The following NSFL1C variants were observed in gnomAD, a reference collection of about 807,000 sequenced individuals.
NSFL1C encodes NSFL1 cofactor, also known as NSFL1 cofactor p47.
NSFL1C carries 14 observed loss-of-function variants against 43.1 expected under a neutral mutation model. The ratio of observed to expected loss-of-function variants is 0.32; its 90% CI spans 0.21 to 0.51. NSFL1C has a LOEUF of 0.51. NSFL1C is among the 20% of genes least tolerant of loss of function. The probability of loss-of-function intolerance (pLI) is 0.98; values close to 1 mark genes in which losing one functional copy is unlikely to be tolerated. For synonymous variants in NSFL1C, 171 were observed against 183.5 expected (o/e 0.93, Z 0.55); for missense variants, 406 against 472.5 (o/e 0.86, Z 1.30).
intron 2 of NSFL1C, among the ~76,000 whole-genome samples, chr20:1,462,408 G>C (rs1455021243): frequency 6.6e-6 from 1 of 152,090 alleles, no homozygotes; most frequent in African/African-American, 2.4e-5. Context: ...CTACTACCAA[G>C]TCTGAGCCTT....
At chr20:1,449,306 G>A (rs980960026) in intron 7 of NSFL1C, among the ~76,000 whole-genome samples, 4 of 152,118 alleles carry the variant, frequency 2.6e-5, no homozygotes, top group African/African-American at 7.2e-5. Flanking sequence ...GACCAAAATC[G>A]ACTAGAAATG....
chr20:1,452,719 G>A (rs1187114289), intron 6 of NSFL1C, 89 bp from the exon 7 acceptor site: 44 of 1,527,434 alleles, frequency 2.9e-5, no homozygotes, highest in Admixed American at 7.6e-5. Flanking sequence ...TCTCAGTCCC[G>A]TGGTGAAAAA....
rs751696265 is a variant in NSFL1C at position 1,458,176 on chromosome 20, CCT to C, written c.278+22_278+23del. ...CCTGGACTTCCCTGTGAACTGTCCC[CCT>C]GACCCCCTCTAGAAGACTCACCTCT... On this transcript the variant is annotated intron_variant, in intron 3 of 8. Transcript: ENST00000216879. The C allele has an allele frequency of 4.4e-6, 7 of 1,599,286 alleles. No individual in the cohort carries two copies. The East Asian group carries it at 1.6e-4, about 36-fold the overall frequency.
At chr20:1,451,168 G>A (rs922186785) in intron 7 of NSFL1C, among the ~76,000 whole-genome samples, 12 of 152,192 alleles carry the variant, frequency 7.9e-5, no homozygotes, top group African/African-American at 2.9e-4. Flanking sequence ...TAGCTGTCCT[G>A]GGCTAGTCCA....
rs1344169001 is a variant in NSFL1C, at chr20:1,452,770, C to T, written c.648-140G>A. On this transcript the variant is annotated intron_variant, in intron 6 of 8. Coordinates refer to ENST00000216879, the MANE Select transcript of NSFL1C (RefSeq NM_016143.5). ...AGGGAGCAGGCTACTCTGGTGGCTA[C>T]CTGTCTGCCTCCACCTTTTCTCTTG... The T allele has an allele frequency of 4.8e-6, 5 of 1,036,396 alleles. No homozygotes were observed. In the East Asian group the frequency reaches 9.7e-5, roughly 20 times the overall value. The allele number at this position is 1,036,396 out of a possible 1,614,324, so 64.2% of individuals were successfully genotyped here.
chr20:1,445,632 C>G (rs1373456589), intron 8 of NSFL1C, 34 bp downstream of exon 8: 1 of 1,609,138 alleles, frequency 6.2e-7, no homozygotes, highest in Non-Finnish European at 8.5e-7. Flanking sequence ...AGAGGACACT[C>G]CTAGAATAAG....
chr20:1,454,980 G>T lies in NSFL1C; in HGVS notation c.431C>A (p.Thr144Asn). 1 of 1,613,652 alleles carries T rather than the reference G, an allele frequency of 6.2e-7. No individual in the cohort carries two copies. The change falls in exon 4 of 9, where the codon ACC becomes AAC. Residue 144 changes from threonine to asparagine, a missense_variant. By Grantham distance (65) the Thr-to-Asn change is moderately conservative (BLOSUM62 0). Around this residue, in one of 3 missense-constraint regions of NSFL1C, gnomAD observed 203 missense variants for 216.3 expected, o/e 0.94. Transcript: ENST00000216879. ...VERVTKSPGETSKPRPFAGGG... is the reference protein window; with the variant it reads ...VERVTKSPGENSKPRPFAGGG... Reference sequence around the variant, plus strand: ...CCTTATACTCACTCTCGGTTTACTGGTCTCTCCAGGGCTCTTGGTCACTCG... The same window carrying T: ...CCTTATACTCACTCTCGGTTTACTGTTCTCTCCAGGGCTCTTGGTCACTCG...
At chr20:1,454,461 A>G (rs1568621898) in intron 4 of NSFL1C, among the ~76,000 whole-genome samples, 156 bp from the exon 5 acceptor site, 1 of 152,214 alleles carries the variant, frequency 6.6e-6, no homozygotes, top group Non-Finnish European at 1.5e-5. Flanking sequence ...CTGATATCAG[A>G]CTCAGTGCCT....
chr20:1,443,597 C>T lies in NSFL1C; in HGVS notation c.*152G>A, dbSNP rs529816701. The T allele has an allele frequency of 6.3e-5, 40 of 634,920 alleles. No homozygotes were observed. The highest frequency in any genetic ancestry group is 9.5e-5 in the Non-Finnish European group (37 of 389,956). 39.3% of individuals were successfully genotyped at this position (634,920 alleles called of 1,614,324 possible). A position where few individuals can be genotyped will look rare whatever the true frequency, so the allele number is the denominator to read the frequency against. ...GAAATGCAACTAAGGAGAAAACAAA[C>T]GTCCAACCAAGATCTAAGAACCCAG... On this transcript the variant is annotated 3_prime_UTR_variant, in exon 9 of 9. Transcript: ENST00000216879.
chr20:1,466,056 T>C (rs1169536877), intron 1 of NSFL1C, among the ~76,000 whole-genome samples: 1 of 152,190 alleles, frequency 6.6e-6, no homozygotes, highest in African/African-American at 2.4e-5. Flanking sequence ...GAATGCTTAT[T>C]ATGTGCCAGG....
chr20:1,455,604 G>A, intron 3 of NSFL1C: 1 of 774,716 alleles, frequency 1.3e-6, no homozygotes, highest in Non-Finnish European at 2.4e-6. Flanking sequence ...AAGCAGCTAG[G>A]CTCCAGTCTT....
chr20:1,447,427 T>TC (rs891624455), intron 7 of NSFL1C, among the ~76,000 whole-genome samples: 8 of 108,404 alleles, frequency 7.4e-5, no homozygotes, highest in African/African-American at 3.4e-4. Context: ...TGTTATGAGT[T>TC]TTTTTTTTTT....
rs200170563 is a variant in NSFL1C at position 1,464,359 on chromosome 20, G to C, written c.173C>G (p.Pro58Arg). The stretch of plus-strand genomic sequence containing the variant: ...GGCTGTGCCTCTGGACACTGAACTG[G>C]GGGTTGCCTGCGAAATGGTCACAAT... ...EDIVTISQAT[P>R]SSVSRGTAPS... Residue 58 changes from proline (P) to arginine (R), a missense_variant, in exon 2 of 9, where the codon CCC (proline) becomes CGC (arginine). Physicochemically the swap from Pro to Arg is moderately radical, Grantham distance 103. This residue lies in a region of NSFL1C where 203 missense variants were observed against 216.3 expected (regional missense o/e 0.94). Coordinates refer to ENST00000216879, the MANE Select transcript of NSFL1C (RefSeq NM_016143.5). 1.9e-6 allele frequency: 3 copies of C among 1,614,230 alleles called. No homozygotes were observed. The South Asian group carries it at 3.3e-5, about 18-fold the overall frequency.
chr20:1,444,782 T>C (rs977283362), intron 8 of NSFL1C, among the ~76,000 whole-genome samples: 2 of 152,186 alleles, frequency 1.3e-5, no homozygotes, highest in East Asian at 3.8e-4. Context: ...GAAATGAAAC[T>C]GAGACAAATA....
intron 2 of NSFL1C, among the ~76,000 whole-genome samples, chr20:1,463,047 C>T (rs973208117): frequency 6.6e-6 from 1 of 152,118 alleles, no homozygotes; most frequent in Non-Finnish European, 1.5e-5. Context: ...CGTTAAGTAA[C>T]CTGCCCAAGG....
chr20:1,458,324 T>C (rs1332966418), intron 2 of NSFL1C, 50 bp from the exon 3 acceptor site: 10 of 1,506,266 alleles, frequency 6.6e-6, no homozygotes, highest in Admixed American at 3.3e-5. Context: ...TTAAGAAAGG[T>C]AACCCTCATC....
At chr20:1,447,425 G>GTTT (rs112797476) in intron 7 of NSFL1C, among the ~76,000 whole-genome samples, 1 of 138,338 alleles carries the variant, frequency 7.2e-6, no homozygotes, top group African/African-American at 2.6e-5. Context: ...AATGTTATGA[G>GTTT]TTTTTTTTTT....
intron 7 of NSFL1C, among the ~76,000 whole-genome samples, chr20:1,448,041 T>C: frequency 6.6e-6 from 1 of 152,190 alleles, no homozygotes; most frequent in Non-Finnish European, 1.5e-5. Flanking sequence ...TTTAGAAAAA[T>C]AATATTTATA....
intron 3 of NSFL1C, 25 bp from the exon 4 acceptor site, chr20:1,455,157 A>G: frequency 2.5e-6 from 4 of 1,613,526 alleles, no homozygotes; most frequent in Non-Finnish European, 3.4e-6. Flanking sequence ...CACCTCTAAC[A>G]TGAAACACTC....
Sources: allele counts gnomAD v4.1 joint callset (sites outside exome capture counted in the v4.1 genomes callset), GRCh38; gene constraint gnomAD v4.1.1; regional missense constraint gnomAD v4.1.1; transcripts MANE v1.5; gene names NCBI Gene and HGNC (gene_info 2026-07-23, HGNC 2026-07-21).